The following AGAP1 variants were observed in gnomAD, a reference collection of about 807,000 sequenced individuals.
The protein encoded by AGAP1 is arf-GAP with GTPase, ANK repeat and PH domain-containing protein 1.
In AGAP1, 29 loss-of-function variants were observed where a neutral mutation model predicts 105.3. That is an observed-to-expected ratio of 0.28 (90% CI 0.21 to 0.38). AGAP1 has a LOEUF of 0.38. Ranked by LOEUF, AGAP1 falls within the 10% of genes least tolerant of loss-of-function variation. The pLI is 1.00. For synonymous variants in AGAP1, 509 were observed against 485.9 expected (o/e 1.05, Z -0.63); for missense variants, 998 against 1,165.1 (o/e 0.86, Z 2.09).
chr2:235,539,485 C>T (rs1462714255), intron 1 of AGAP1, among the ~76,000 whole-genome samples: 2 of 152,192 alleles, frequency 1.3e-5, no homozygotes, highest in Non-Finnish European at 2.9e-5. Context: ...TTTTAGGAAG[C>T]CATGCTGCCT....
intron 1 of AGAP1, among the ~76,000 whole-genome samples, chr2:235,594,176 ACTT>A (rs1028786127): frequency 3.0e-4 from 46 of 152,144 alleles, no homozygotes; most frequent in Non-Finnish European, 6.2e-4. Flanking sequence ...TAGACTTAGT[ACTT>A]CAGCTTCTTA....
chr2:235,713,912 C>T, intron 2 of AGAP1, among the ~76,000 whole-genome samples: 1 of 152,222 alleles, frequency 6.6e-6, no homozygotes, highest in South Asian at 2.1e-4. Flanking sequence ...AGGTCTTTCT[C>T]AGGCCTCTTC....
chr2:235,910,748 T>C (rs2051566196), intron 11 of AGAP1, among the ~76,000 whole-genome samples: 1 of 152,090 alleles, frequency 6.6e-6, no homozygotes, highest in Admixed American at 6.5e-5. Flanking sequence ...TGAAACCCCA[T>C]CTCTACTAAA....
intron 10 of AGAP1, among the ~76,000 whole-genome samples, chr2:235,897,302 C>T (rs927053223): frequency 7.9e-5 from 12 of 152,170 alleles, no homozygotes; most frequent in Admixed American, 5.9e-4. Flanking sequence ...GGCCTCCCAA[C>T]CTGCTGGGAT....
At position 235,906,857 on chromosome 2, in the gene AGAP1, G is replaced by T. The variant is rs760077590; in HGVS notation, c.1156-1881G>T. On this transcript the variant is annotated intron_variant, in intron 10 of 17. Transcript: ENST00000304032. This position sits in a 1 kb window ranked among gnomAD's most constrained non-coding sequence, Gnocchi z 5.3. The stretch of plus-strand genomic sequence containing the variant: ...ACCCGTGACTCCTTCACAAGTGTGG[G>T]TGTTGCCCTGCAATTAAAAGGTGGA... Among the ~76,000 whole-genome samples the T allele has an allele frequency of 2.7e-5, 4 of 150,736 alleles. No individual in the cohort carries two copies. Among genetic ancestry groups the T allele is most frequent in the Non-Finnish European group, 4.4e-5 (3 of 68,024 alleles).
rs1416769282 is a variant in AGAP1 at position 236,002,200 on chromosome 2, CAT to C, written c.1645+33578_1645+33579del. On this transcript the variant is annotated intron_variant, in intron 13 of 17. Transcript: ENST00000304032. This position sits in a 1 kb window ranked among gnomAD's most constrained non-coding sequence, Gnocchi z 4.3. ...ATTCATTCAGCAGACTCGTTGAGAA[CAT>C]GTGTGGTAGGCACGTGCTGGGCACT... Among the ~76,000 whole-genome samples the C allele has an allele frequency of 2.0e-5, 3 of 152,338 alleles. No homozygotes were observed. The highest frequency in any genetic ancestry group is 1.9e-4 in the East Asian group (1 of 5,182).
chr2:235,636,501 A>T (rs1037022810), intron 1 of AGAP1, among the ~76,000 whole-genome samples: 8 of 152,146 alleles, frequency 5.3e-5, no homozygotes, highest in Non-Finnish European at 1.2e-4. Flanking sequence ...ACTGTCAGGG[A>T]CGGCAGAGAA....
chr2:235,651,492 G>A (rs1426929617), intron 1 of AGAP1, among the ~76,000 whole-genome samples: 1 of 152,152 alleles, frequency 6.6e-6, no homozygotes, highest in African/African-American at 2.4e-5. Flanking sequence ...GGAAAAACAT[G>A]AAGATTCCCA....
rs559507596 is a variant in AGAP1 at position 235,609,141 on chromosome 2, G to T, written c.164-100038G>T. ...TTGTTTCCTTCTTGCCTTATTTTTGGCAGTTTTCTTTCTTGATGGTGGGGA... is the reference window on the plus strand; with the variant it reads ...TTGTTTCCTTCTTGCCTTATTTTTGTCAGTTTTCTTTCTTGATGGTGGGGA... On this transcript the variant is annotated intron_variant, in intron 1 of 17. Coordinates refer to ENST00000304032, the MANE Select transcript of AGAP1 (RefSeq NM_001037131.3). This position sits in a 1 kb window ranked among gnomAD's most constrained non-coding sequence, Gnocchi z 5.1. Among the ~76,000 whole-genome samples, 2 of 152,192 alleles carry T rather than the reference G, an allele frequency of 1.3e-5. No homozygotes were observed. Among genetic ancestry groups the T allele is most frequent in the Admixed American group, 6.5e-5 (1 of 15,290 alleles).
intron 1 of AGAP1, among the ~76,000 whole-genome samples, chr2:235,645,419 A>G (rs752456822): frequency 2.6e-5 from 4 of 152,186 alleles, no homozygotes; most frequent in Non-Finnish European, 5.9e-5. Flanking sequence ...TTAGGGCACT[A>G]TTATTAGATG....
At chr2:235,853,044 C>T in intron 9 of AGAP1, 2 of 1,241,232 alleles carry the variant, frequency 1.6e-6, no homozygotes, top group Non-Finnish European at 2.0e-6. Context: ...CCCTTAATTT[C>T]TATAGCGGGC....
rs749774927 is a variant in AGAP1, at chr2:235,739,684, G to A, written c.311-1279G>A. On this transcript the variant is annotated intron_variant, in intron 3 of 17. Transcript: ENST00000304032. This position sits in a 1 kb window ranked among gnomAD's most constrained non-coding sequence, Gnocchi z 5.3. ...GAGCACACGAGCATGGCAGGAGCTC[G>A]CGGGAACGGGCCAACGCCCCACTGC... Among the ~76,000 whole-genome samples the A allele has an allele frequency of 2.6e-5, 4 of 152,250 alleles. No individual in the cohort carries two copies. Among genetic ancestry groups the A allele is most frequent in the African/African-American group, 7.2e-5 (3 of 41,474 alleles).
chr2:235,995,239 G>A (rs2055758697), intron 13 of AGAP1, among the ~76,000 whole-genome samples: 3 of 151,954 alleles, frequency 2.0e-5, no homozygotes, highest in African/African-American at 2.4e-5. Flanking sequence ...AAAAGGCTAG[G>A]CCCAGTGGCT....
intron 1 of AGAP1, among the ~76,000 whole-genome samples, chr2:235,512,985 C>G (rs4663204): frequency 0.4 from 60,831 of 152,180 alleles, 14,959 homozygotes; most frequent in Admixed American, 0.54. Flanking sequence ...CTGTTTAGAA[C>G]TGGGCACTCC....
intron 9 of AGAP1, among the ~76,000 whole-genome samples, chr2:235,831,331 C>G (rs1157479398): frequency 6.6e-6 from 1 of 152,200 alleles, no homozygotes; most frequent in Non-Finnish European, 1.5e-5. Context: ...CACTGTCACC[C>G]TCAGTCCATC....
In AGAP1 at chr2:235,670,321, G is replaced by T. The variant is rs767527433; in HGVS notation, c.164-38858G>T. ...CCGGGAGGCTTGAGGAGGAGGCCGA[G>T]GAGGCGGAGGGCGCCGAGGAACCGG... On this transcript the variant is annotated intron_variant, in intron 1 of 17. Coordinates refer to ENST00000304032, the MANE Select transcript of AGAP1 (RefSeq NM_001037131.3). 6.8e-3 allele frequency: 3,246 copies of T among 475,036 alleles called. 87 individuals carry two copies. Among genetic ancestry groups the T allele is most frequent in the African/African-American group, 0.059 (2,880 of 49,024 alleles). 29.4% of individuals were successfully genotyped at this position (475,036 alleles called of 1,614,324 possible). A position where few individuals can be genotyped will look rare whatever the true frequency, so the allele number is the denominator to read the frequency against.
intron 1 of AGAP1, among the ~76,000 whole-genome samples, chr2:235,533,865 A>T (rs561420204): frequency 6.6e-6 from 1 of 152,282 alleles, no homozygotes. Flanking sequence ...TGGTCAAGAG[A>T]GTTGGTTGGT....
In AGAP1 at chr2:235,500,427, G is replaced by A. The variant is rs562942109; in HGVS notation, c.163+5578G>A. On this transcript the variant is annotated intron_variant, in intron 1 of 17. Coordinates refer to ENST00000304032, the MANE Select transcript of AGAP1 (RefSeq NM_001037131.3). ...TCTCTAAGAAGTGTCCTGAGGATGC[G>A]GATGCCCTGGTCCAGGGACCGCACT... 5.9e-5 allele frequency among the ~76,000 whole-genome samples: 9 copies of A among 152,314 alleles called. 1 individual carries two copies. In the South Asian group the frequency reaches 1.2e-3, roughly 21 times the overall value.
intron 1 of AGAP1, among the ~76,000 whole-genome samples, chr2:235,565,120 G>GGT (rs1037743779): frequency 4.7e-5 from 7 of 150,448 alleles, no homozygotes; most frequent in East Asian, 2.0e-4. Context: ...CCCATGGCCA[G>GGT]GTGTGAGCCT....
Sources: gnomAD v4.1 joint callset for allele counts (sites outside exome capture counted in the v4.1 genomes callset) on GRCh38, gnomAD v4.1.1 for gene constraint, Gnocchi (gnomAD v3.1) non-coding constraint, MANE v1.5 for transcripts, NCBI Gene and HGNC (gene_info 2026-07-23, HGNC 2026-07-21) for gene names.